The following ADCYAP1R1 variants were observed in gnomAD, a reference collection of about 807,000 sequenced individuals.
ADCYAP1R1 encodes the protein pituitary adenylate cyclase-activating polypeptide type I receptor.
ADCYAP1R1 carries 44 observed loss-of-function variants against 67.6 expected under a neutral mutation model. That is an observed-to-expected ratio of 0.65 (90% CI 0.51 to 0.84). ADCYAP1R1 has a LOEUF of 0.84. Among genes scored for constraint, ADCYAP1R1 ranks in the 40% least tolerant of loss-of-function variants. The pLI, the probability that ADCYAP1R1 is intolerant of heterozygous loss-of-function variation, is 0.00. For missense variants in ADCYAP1R1, 477 were observed against 587.9 expected (o/e 0.81, Z 1.95); for synonymous variants, 222 against 219.6 (o/e 1.01, Z -0.10).
At chr7:31,097,816 G>GT (rs1399013343) in intron 13 of ADCYAP1R1, among the ~76,000 whole-genome samples, 1 of 95,520 alleles carries the variant, frequency 1.0e-5, no homozygotes, top group African/African-American at 5.5e-5. Context: ...GATACAGTTG[G>GT]GGGGGGGTCT....
Position 31,086,268 on chromosome 7 carries a change from C to G in ADCYAP1R1, c.670-116C>G. 4 of 1,087,946 alleles carry G rather than the reference C, an allele frequency of 3.7e-6. No individual in the cohort carries two copies. The South Asian group carries it at 4.9e-5, about 13-fold the overall frequency. The allele number at this position is 1,087,946 out of a possible 1,614,324, so 67.4% of individuals were successfully genotyped here. A position where few individuals can be genotyped will look rare whatever the true frequency, so the allele number is the denominator to read the frequency against. ...TCTTTGATCCAGGAATATTGACTCT[C>G]TTAGATCCTTGGGATGTTTGAACCT... On this transcript the variant is annotated intron_variant, in intron 9 of 15. Transcript: ENST00000304166. This position sits in a 1 kb window ranked among gnomAD's most constrained non-coding sequence, Gnocchi z 5.0.
intron 1 of ADCYAP1R1, among the ~76,000 whole-genome samples, chr7:31,059,805 C>A (rs772422028): frequency 6.6e-6 from 1 of 151,958 alleles, no homozygotes; most frequent in African/African-American, 2.4e-5. Context: ...AAAGGATTAC[C>A]GCCCAGAGAG....
intron 13 of ADCYAP1R1, among the ~76,000 whole-genome samples, chr7:31,096,585 C>A (rs1301579311): frequency 6.6e-6 from 1 of 152,192 alleles, no homozygotes; most frequent in Non-Finnish European, 1.5e-5. Context: ...CTGAGCAAAA[C>A]CCTGAGCTAG....
At chr7:31,080,894 C>A (rs1285407283) in intron 5 of ADCYAP1R1, among the ~76,000 whole-genome samples, 2 of 152,172 alleles carry the variant, frequency 1.3e-5, no homozygotes, top group African/African-American at 4.8e-5. Context: ...ACAGGACTTA[C>A]CAATGGAGGG....
chr7:31,089,409 C>T (rs937980424), intron 12 of ADCYAP1R1, among the ~76,000 whole-genome samples: 1 of 129,714 alleles, frequency 7.7e-6, no homozygotes, highest in Non-Finnish European at 1.6e-5. Flanking sequence ...AGTTTTTCAT[C>T]TTGGCTTGTT....
At chr7:31,105,219 C>G (rs1796592702) in intron 15 of ADCYAP1R1, among the ~76,000 whole-genome samples, 1 of 152,252 alleles carries the variant, frequency 6.6e-6, no homozygotes, top group African/African-American at 2.4e-5. Context: ...AGGGTCCTCT[C>G]CATAAGACAC....
chr7:31,063,363 C>A, intron 2 of ADCYAP1R1, 48 bp downstream of exon 2: 5 of 1,604,532 alleles, frequency 3.1e-6, no homozygotes, highest in Non-Finnish European at 4.3e-6. Context: ...TCACCTGAGT[C>A]CCCGCTCCAG....
chr7:31,061,297 C>A (rs571032116), intron 1 of ADCYAP1R1, among the ~76,000 whole-genome samples: 1 of 152,252 alleles, frequency 6.6e-6, no homozygotes, highest in African/African-American at 2.4e-5. Context: ...TCCCTCGCAG[C>A]CAGGCAAGTC....
At chr7:31,093,560 A>G (rs1250791327) in intron 13 of ADCYAP1R1, among the ~76,000 whole-genome samples, 1 of 151,902 alleles carries the variant, frequency 6.6e-6, no homozygotes, top group Non-Finnish European at 1.5e-5. Context: ...GTATGAGGAC[A>G]TTTCTGATGC....
rs565575896 is a variant in ADCYAP1R1, at chr7:31,088,117, T to C, written c.954+421T>C. 1.1e-4 allele frequency among the ~76,000 whole-genome samples: 17 copies of C among 152,358 alleles called. No homozygotes were observed. In the East Asian group the frequency reaches 3.1e-3, roughly 28 times the overall value. ...CTACGCTTAATCAATAATTTAATTT[T>C]TTGCACAGGCTTCTGGAGGATAATG... On this transcript the variant is annotated intron_variant, in intron 12 of 15. Transcript: ENST00000304166.
At chr7:31,099,718 G>C (rs4723047) in intron 13 of ADCYAP1R1, among the ~76,000 whole-genome samples, 65,575 of 152,056 alleles carry the variant, frequency 0.43, 17,067 homozygotes, top group East Asian at 0.78. Context: ...GCAGAAGATC[G>C]GCAGTGTGAG....
chr7:31,095,548 G>T, intron 13 of ADCYAP1R1: 1 of 700,518 alleles, frequency 1.4e-6, no homozygotes, highest in South Asian at 1.5e-5. Context: ...TGAATGGGGG[G>T]AGAGGGAGAT....
At chr7:31,065,030 A>G (rs538969884) in intron 3 of ADCYAP1R1, 94 bp downstream of exon 3, 13 of 932,274 alleles carry the variant, frequency 1.4e-5, no homozygotes, top group Non-Finnish European at 2.1e-5. Flanking sequence ...TGGTCAAGGT[A>G]TGGGTTTCTG....
chr7:31,064,831 G>A lies in ADCYAP1R1; in HGVS notation c.52G>A (p.Ala18Thr). 2 of 1,608,590 alleles carry A rather than the reference G, an allele frequency of 1.2e-6. No homozygotes were observed. Among genetic ancestry groups the A allele is most frequent in the Middle Eastern group, 1.7e-4 (1 of 6,058 alleles). ...SLAALLLLPM[A>T]PAMHSDCIFK... ...CCATCCATCCTGTGTTCTCCTACAG[G>A]CCCCTGCCATGCATTCTGACTGCAT... Residue 18 changes from alanine (A) to threonine (T), a missense_variant and splice_region_variant, in exon 3 of 16, where the codon GCC becomes ACC. Coordinates refer to ENST00000304166, the MANE Select transcript of ADCYAP1R1 (RefSeq NM_001118.5).
At chr7:31,070,792 C>G (rs1794939461) in intron 3 of ADCYAP1R1, among the ~76,000 whole-genome samples, 2 of 152,334 alleles carry the variant, frequency 1.3e-5, no homozygotes, top group East Asian at 1.9e-4. Flanking sequence ...GGGCCCACCT[C>G]CAGAAGTTTC....
chr7:31,090,947 G>T (rs1320783694), intron 12 of ADCYAP1R1, among the ~76,000 whole-genome samples: 1 of 152,218 alleles, frequency 6.6e-6, no homozygotes, highest in Non-Finnish European at 1.5e-5. Flanking sequence ...TAATGGGATT[G>T]CTGGGTCTAA....
At chr7:31,094,544 G>A (rs1034093275) in intron 13 of ADCYAP1R1, among the ~76,000 whole-genome samples, 1 of 152,054 alleles carries the variant, frequency 6.6e-6, no homozygotes, top group Non-Finnish European at 1.5e-5. Context: ...GGTAGGATTT[G>A]TTCTTCTACT....
intron 13 of ADCYAP1R1, among the ~76,000 whole-genome samples, chr7:31,098,818 G>A (rs892204185): frequency 1.3e-5 from 2 of 151,194 alleles, no homozygotes; most frequent in African/African-American, 2.4e-5. Flanking sequence ...TACTCTTAAA[G>A]AGCTGGAATC....
intron 3 of ADCYAP1R1, among the ~76,000 whole-genome samples, chr7:31,067,987 G>C (rs1794812087): frequency 6.6e-6 from 1 of 152,148 alleles, no homozygotes; most frequent in Admixed American, 6.5e-5. Flanking sequence ...AGCGCCACTT[G>C]GAACAATCCT....
Sources: allele counts gnomAD v4.1 joint callset (sites outside exome capture counted in the v4.1 genomes callset), GRCh38; gene constraint gnomAD v4.1.1; non-coding constraint Gnocchi (gnomAD v3.1); transcripts MANE v1.5; gene names NCBI Gene and HGNC (gene_info 2026-07-23, HGNC 2026-07-21).